TACC2: variants seen among roughly 807,000 people sequenced by gnomAD.
The protein encoded by TACC2 is transforming acidic coiled-coil-containing protein 2.
TACC2 carries 137 observed loss-of-function variants against 227.3 expected under a neutral mutation model. The observed-to-expected ratio is 0.60, with a 90% CI of 0.52 to 0.69. TACC2 has a LOEUF of 0.69. TACC2 is among the 30% of genes least tolerant of loss of function. TACC2 has a pLI of 0.00. For synonymous variants in TACC2, 1,523 were observed against 1,487.5 expected, an observed-to-expected ratio of 1.02 and a Z score of -0.55; for missense variants, 3,470 against 3,694.4, an observed-to-expected ratio of 0.94 and a Z score of 1.57.
chr10:122,058,556 G>A (rs532574573), intron 3 of TACC2, among the ~76,000 whole-genome samples: 1 of 151,788 alleles, frequency 6.6e-6, no homozygotes, highest in South Asian at 2.1e-4. Context: ...CTACAGGTGC[G>A]AAGCACCATG....
intron 5 of TACC2, among the ~76,000 whole-genome samples, chr10:122,123,806 G>T: frequency 7.3e-6 from 1 of 136,266 alleles, no homozygotes; most frequent in Non-Finnish European, 1.6e-5. Flanking sequence ...TTGCTGTAGA[G>T]TCATTTTTTT....
intron 7 of TACC2, among the ~76,000 whole-genome samples, chr10:122,145,911 T>C (rs2091313983): frequency 6.6e-6 from 1 of 152,244 alleles, no homozygotes; most frequent in African/African-American, 2.4e-5. Flanking sequence ...TGTGGGTTGC[T>C]TCTGAATCTC....
At chr10:122,079,172 G>T (rs2947606) in intron 3 of TACC2, 62,182 of 152,122 alleles carry the variant, frequency 0.41, 13,989 homozygotes, top group Non-Finnish European at 0.5. Flanking sequence ...CAGTTAATGG[G>T]TGGGACATAA....
intron 16 of TACC2, among the ~76,000 whole-genome samples, chr10:122,231,004 T>C (rs1340541429): frequency 6.6e-6 from 1 of 152,246 alleles, no homozygotes. Flanking sequence ...ATTTCCAGCC[T>C]TGTGGGCCGT....
intron 8 of TACC2, among the ~76,000 whole-genome samples, chr10:122,203,712 G>A (rs1176228387): frequency 6.6e-5 from 10 of 150,912 alleles, no homozygotes; most frequent in African/African-American, 2.2e-4. Context: ...CATCCCAGTC[G>A]ATGGGCGGCC....
chr10:122,089,763 G>T (rs1357446137), intron 5 of TACC2, among the ~76,000 whole-genome samples: 1 of 152,152 alleles, frequency 6.6e-6, no homozygotes, highest in Non-Finnish European at 1.5e-5. Flanking sequence ...TTCATATTTT[G>T]CACATTCAGA....
chr10:122,186,939 C>A (rs2140384257), intron 7 of TACC2, among the ~76,000 whole-genome samples: 1 of 152,276 alleles, frequency 6.6e-6, no homozygotes, highest in Non-Finnish European at 1.5e-5. Context: ...TTCTTTATTT[C>A]TCCTGACACT....
intron 11 of TACC2, among the ~76,000 whole-genome samples, chr10:122,223,745 C>T (rs1216151732): frequency 2.0e-5 from 3 of 152,154 alleles, no homozygotes; most frequent in Non-Finnish European, 4.4e-5. Context: ...TGCTATTTAT[C>T]TTTATTTTCA....
In TACC2 at chr10:122,083,882, T is replaced by C. The variant is rs767169175; in HGVS notation, c.1382T>C (p.Val461Ala). 1.9e-5 allele frequency: 30 copies of C among 1,613,990 alleles called. No individual in the cohort carries two copies. In the Admixed American group the frequency reaches 2.8e-4, roughly 15 times the overall value. Residue 461 changes from valine to alanine, a missense_variant, in exon 4 of 23, where the codon GTG (valine) becomes GCG (alanine). Val to Ala is a moderately conservative substitution (Grantham distance 64). This residue lies in a region of TACC2 where 1,924 missense variants were observed against 1,978.3 expected (regional missense o/e 0.97). Coordinates refer to ENST00000369005, the MANE Select transcript of TACC2 (RefSeq NM_206862.4). ...PVSADAAKEV[V>A]DAGLVGLERQ... ...TCTGCAGATGCAGCCAAAGAGGTGG[T>C]GGATGCAGGGTTGGTGGGACTGGAG...
rs10572276 is a variant in TACC2 at position 122,131,177 on chromosome 10, C to CAAAA, written c.5574-1411_5574-1408dup. Among the ~76,000 whole-genome samples the CAAAA allele has an allele frequency of 1.9e-4, 18 of 95,264 alleles. No homozygotes were observed. The South Asian group carries it at 3.5e-3, about 18-fold the overall frequency. The allele number at this position is 95,264 out of a possible 152,430, so 62.5% of individuals were successfully genotyped here. On this transcript the variant is annotated intron_variant, in intron 5 of 22. Coordinates refer to ENST00000369005, the MANE Select transcript of TACC2 (RefSeq NM_206862.4). Reference sequence around the variant, plus strand: ...TGGGCAGCAGAGGGAGACGCTTTCTCAAAAAAAAAAAAAAAAAAAAAAAAT... The same window carrying CAAAA: ...TGGGCAGCAGAGGGAGACGCTTTCTCAAAAAAAAAAAAAAAAAAAAAAAAAAAAT...
intron 7 of TACC2, among the ~76,000 whole-genome samples, chr10:122,166,023 A>G (rs1002341664): frequency 3.9e-5 from 6 of 152,228 alleles, no homozygotes; most frequent in African/African-American, 1.2e-4. Flanking sequence ...CTAAAAATGC[A>G]TGCACGTGAA....
chr10:122,085,470 A>G lies in TACC2; in HGVS notation c.2970A>G (p.Pro990=). Residue 990 remains proline (P), a synonymous_variant, in exon 4 of 23, where the codon CCA becomes CCG. Transcript: ENST00000369005. ...AAACTTGCTGCACTGGGCAGGGGCC[A>G]AACAAGTCTCAACAGGCATTGGCTG... ...RKETCCTGQG[P]NKSQQALADA... 5.0e-6 allele frequency: 8 copies of G among 1,613,780 alleles called. No individual in the cohort carries two copies. Among genetic ancestry groups the G allele is most frequent in the Non-Finnish European group, 6.8e-6 (8 of 1,180,046 alleles).
intron 16 of TACC2, 81 bp from the exon 17 acceptor site, chr10:122,237,314 T>C: frequency 3.6e-6 from 5 of 1,381,636 alleles, no homozygotes; most frequent in Non-Finnish European, 4.9e-6. Flanking sequence ...AATTGGCCCA[T>C]TCATGAGAGG....
intron 2 of TACC2, among the ~76,000 whole-genome samples, chr10:122,038,974 C>CT (rs1565133661): frequency 1.3e-5 from 2 of 151,994 alleles, no homozygotes; most frequent in African/African-American, 4.8e-5. Flanking sequence ...GTGTTTTTTG[C>CT]TTTTTTTCTG....
intron 1 of TACC2, among the ~76,000 whole-genome samples, chr10:121,989,866 T>G (rs1590807560): frequency 1.3e-5 from 2 of 152,022 alleles, no homozygotes; most frequent in African/African-American, 4.8e-5. Flanking sequence ...CAAGTGATTC[T>G]CCTGCCTCAG....
At chr10:122,230,325 G>A (rs758730295) in intron 15 of TACC2, 26 bp from the exon 16 acceptor site, 6 of 1,585,094 alleles carry the variant, frequency 3.8e-6, no homozygotes, top group Non-Finnish European at 3.5e-6. Context: ...ATTTCCCTGC[G>A]GTTTGCCCAC....
chr10:122,079,013 ATCCTT>A (rs1175936547), intron 3 of TACC2: 1 of 152,240 alleles, frequency 6.6e-6, no homozygotes, highest in African/African-American at 2.4e-5. Context: ...GGGAAGCCAC[ATCCTT>A]TCCTAAGTTG....
intron 1 of TACC2, among the ~76,000 whole-genome samples, chr10:122,005,131 G>T (rs778594590): frequency 6.6e-6 from 1 of 151,902 alleles, no homozygotes; most frequent in Non-Finnish European, 1.5e-5. Flanking sequence ...GCCCAGGCTG[G>T]AGTGCAATGG....
chr10:122,046,998 T>C (rs928454653), intron 2 of TACC2, among the ~76,000 whole-genome samples: 4 of 152,086 alleles, frequency 2.6e-5, no homozygotes, highest in Non-Finnish European at 5.9e-5. Flanking sequence ...TTATAATTTA[T>C]AGATAAAGAA....
Sources: allele counts gnomAD v4.1 joint callset (sites outside exome capture counted in the v4.1 genomes callset), GRCh38; gene constraint gnomAD v4.1.1; regional missense constraint gnomAD v4.1.1; transcripts MANE v1.5; gene names NCBI Gene and HGNC (gene_info 2026-07-23, HGNC 2026-07-21).